The following CACHD1 variants were observed in gnomAD, a reference collection of about 807,000 sequenced individuals.
CACHD1 encodes cache domain containing 1.
CACHD1 carries 71 observed loss-of-function variants against 138.7 expected under a neutral mutation model. The ratio of observed to expected loss-of-function variants is 0.51; its 90% CI spans 0.42 to 0.62. CACHD1 has a LOEUF of 0.62. Ranked by LOEUF, CACHD1 falls within the 20% of genes least tolerant of loss-of-function variation. The pLI, the probability that CACHD1 is intolerant of heterozygous loss-of-function variation, is 0.00. For synonymous variants in CACHD1, 578 were observed against 591.5 expected (o/e 0.98, Z 0.33); for missense variants, 1,389 against 1,625.3 (o/e 0.85, Z 2.50).
At chr1:64,597,752 A>C (rs1023090322) in intron 3 of CACHD1, among the ~76,000 whole-genome samples, 1 of 151,940 alleles carries the variant, frequency 6.6e-6, no homozygotes, top group African/African-American at 2.4e-5. Context: ...CTTAAGTTGA[A>C]TTGCCCATTC....
At chr1:64,634,017 G>GTTTTTTTTTTTTTTTT in intron 6 of CACHD1, 27 bp from the exon 7 acceptor site, 1 of 1,214,832 alleles carries the variant, frequency 8.2e-7, no homozygotes, top group Non-Finnish European at 1.1e-6. Context: ...CAAGTTTGGT[G>GTTTTTTTTTTTTTTTT]GTTTTTTTTT....
At chr1:64,575,820 C>T (rs1004830697) in intron 2 of CACHD1, among the ~76,000 whole-genome samples, 1 of 152,044 alleles carries the variant, frequency 6.6e-6, no homozygotes, top group Non-Finnish European at 1.5e-5. Context: ...TTACCTTTTT[C>T]TAACTATGTG....
rs1008773701 is a variant in CACHD1, at chr1:64,597,718, T to A, written c.411-5088T>A. On this transcript the variant is annotated intron_variant, in intron 3 of 26. Transcript: ENST00000651257. ...TACTAACTTTTTAAAAGCACAGGCA[T>A]GAGGAATGAAGCAAACCAAACCTCT... Among the ~76,000 whole-genome samples, 4 of 152,008 alleles carry A rather than the reference T, an allele frequency of 2.6e-5. No homozygotes were observed. In the East Asian group the frequency reaches 5.8e-4, roughly 22 times the overall value.
intron 12 of CACHD1, among the ~76,000 whole-genome samples, chr1:64,657,820 ACTT>A (rs1388089939): frequency 1.4e-4 from 21 of 152,330 alleles, no homozygotes; most frequent in African/African-American, 3.4e-4. Flanking sequence ...CTAGTCATCA[ACTT>A]CTTCATTTAT....
intron 1 of CACHD1, among the ~76,000 whole-genome samples, chr1:64,479,506 G>A (rs1487077872): frequency 6.6e-6 from 1 of 152,188 alleles, no homozygotes; most frequent in Non-Finnish European, 1.5e-5. Flanking sequence ...TGGCATTATG[G>A]TTTTGGAGTT....
intron 23 of CACHD1, among the ~76,000 whole-genome samples, chr1:64,679,092 T>C (rs773898441): frequency 1.3e-5 from 2 of 152,230 alleles, no homozygotes; most frequent in Non-Finnish European, 2.9e-5. Context: ...GACTTGGCTC[T>C]GAGAAATCAC....
At chr1:64,633,044 T>G (rs1026956124) in intron 6 of CACHD1, among the ~76,000 whole-genome samples, 3 of 152,216 alleles carry the variant, frequency 2.0e-5, no homozygotes, top group African/African-American at 7.2e-5. Context: ...TTGAATACAG[T>G]ACACTGCAGA....
chr1:64,618,484 G>A (rs774492808), intron 4 of CACHD1, among the ~76,000 whole-genome samples: 22 of 152,074 alleles, frequency 1.4e-4, no homozygotes, highest in African/African-American at 3.9e-4. Flanking sequence ...ATTAACTGAC[G>A]TAATGTAGAT....
chr1:64,651,542 C>T (rs1649092473), intron 9 of CACHD1, among the ~76,000 whole-genome samples: 1 of 152,146 alleles, frequency 6.6e-6, no homozygotes. Flanking sequence ...ATAGTCCCAG[C>T]TACTTGAGAG....
At chr1:64,636,211 G>A (rs1327826829) in intron 7 of CACHD1, among the ~76,000 whole-genome samples, 1 of 151,818 alleles carries the variant, frequency 6.6e-6, no homozygotes, top group Non-Finnish European at 1.5e-5. Flanking sequence ...GCCCTTCATT[G>A]TGTCTGTGTT....
chr1:64,648,141 G>T (rs1422609336), intron 9 of CACHD1, 107 bp downstream of exon 9: 11 of 797,608 alleles, frequency 1.4e-5, no homozygotes, highest in Admixed American at 2.2e-5. Context: ...CCTGCCACCT[G>T]TCCTATATCT....
At chr1:64,569,568 G>A (rs1646910121) in intron 2 of CACHD1, among the ~76,000 whole-genome samples, 2 of 147,128 alleles carry the variant, frequency 1.4e-5, no homozygotes, top group Admixed American at 1.3e-4. Context: ...GAGGAGCAGC[G>A]GGGGCCTTGC....
At chr1:64,615,937 A>T (rs897815111) in intron 4 of CACHD1, among the ~76,000 whole-genome samples, 1 of 152,344 alleles carries the variant, frequency 6.6e-6, no homozygotes, top group Non-Finnish European at 1.5e-5. Flanking sequence ...TACCAAGGGC[A>T]GTTATAAGCT....
In CACHD1 at chr1:64,634,164, G is replaced by T. The variant is rs767389262; in HGVS notation, c.910G>T (p.Val304Leu). 6 of 1,613,834 alleles carry T rather than the reference G, an allele frequency of 3.7e-6. No individual in the cohort carries two copies. The highest frequency in any genetic ancestry group is 1.7e-5 in the Admixed American group (1 of 59,968). ...GAAAATGTCCACCTTTGTTAGCAGC[G>T]TGAAGTCTTCAGACAGTCCTACCCA... ...KRKMSTFVSS[V>L]KSSDSPTQHA... is the part of the protein sequence containing the mutation. The change falls in exon 7 of 27, where the codon GTG becomes TTG. Residue 304 changes from valine to leucine, a missense_variant. Around this residue, in one of 5 missense-constraint regions of CACHD1, gnomAD observed 1,000 missense variants for 1,114.7 expected, o/e 0.90. Transcript: ENST00000651257.
At chr1:64,605,461 TAA>T (rs1208322686) in intron 4 of CACHD1, among the ~76,000 whole-genome samples, 1 of 152,038 alleles carries the variant, frequency 6.6e-6, no homozygotes, top group Admixed American at 6.6e-5. Flanking sequence ...AGGGAAAAAA[TAA>T]AAAAAGAAGG....
intron 1 of CACHD1, among the ~76,000 whole-genome samples, chr1:64,516,004 A>G (rs1248687321): frequency 6.6e-6 from 1 of 152,200 alleles, no homozygotes; most frequent in East Asian, 1.9e-4. Flanking sequence ...GAAGTGGTAG[A>G]AGAGATTGTT....
In CACHD1 at chr1:64,507,274, G is replaced by A. The variant is rs116329493; in HGVS notation, c.198+36332G>A. ...CGTGCCTCTGTTGTACTCCTTACTG[G>A]AGTCTTGCCTTATAGTTGGTTGTAT... On this transcript the variant is annotated intron_variant, in intron 1 of 26. Coordinates refer to ENST00000651257, the MANE Select transcript of CACHD1 (RefSeq NM_020925.4). 4.8e-3 allele frequency among the ~76,000 whole-genome samples: 735 copies of A among 152,272 alleles called. 6 individuals carry two copies. Among genetic ancestry groups the A allele is most frequent in the African/African-American group, 0.017 (707 of 41,534 alleles).
chr1:64,590,661 T>C (rs1346766875), intron 3 of CACHD1, among the ~76,000 whole-genome samples: 1 of 147,250 alleles, frequency 6.8e-6, no homozygotes, highest in Non-Finnish European at 1.5e-5. Context: ...AAGTCAAGGG[T>C]TTTGTTTTGT....
chr1:64,526,605 A>AG (rs1163946770), intron 1 of CACHD1, among the ~76,000 whole-genome samples: 1 of 152,268 alleles, frequency 6.6e-6, no homozygotes, highest in Admixed American at 6.5e-5. Flanking sequence ...TGTCAGGGAA[A>AG]GAAGCAATTA....
Sources: allele counts gnomAD v4.1 joint callset (sites outside exome capture counted in the v4.1 genomes callset), GRCh38; gene constraint gnomAD v4.1.1; regional missense constraint gnomAD v4.1.1; transcripts MANE v1.5; gene names NCBI Gene and HGNC (gene_info 2026-07-23, HGNC 2026-07-21).